The following TBC1D22A variants were observed in gnomAD, a reference collection of about 807,000 sequenced individuals.
TBC1D22A encodes putative GTPase activator.
A neutral mutation model predicts 60.2 loss-of-function variants in TBC1D22A; 38 were observed. The observed-to-expected ratio is 0.63, with a 90% CI of 0.49 to 0.83. The LOEUF (loss-of-function observed/expected upper bound fraction) is 0.83. Ranked by LOEUF, TBC1D22A falls within the 40% of genes least tolerant of loss-of-function variation. The pLI, the probability that TBC1D22A is intolerant of heterozygous loss-of-function variation, is 0.00. For synonymous variants in TBC1D22A, 302 were observed against 281.7 expected (o/e 1.07, Z -0.72); for missense variants, 628 against 701.0 (o/e 0.90, Z 1.18).
At chr22:46,948,024 A>G (rs528202960) in intron 8 of TBC1D22A, among the ~76,000 whole-genome samples, 55 of 152,358 alleles carry the variant, frequency 3.6e-4, no homozygotes, top group African/African-American at 1.3e-3. Context: ...GTACACTTGC[A>G]TAAATGAGGT....
At chr22:47,027,147 A>T (rs1295762370) in intron 10 of TBC1D22A, among the ~76,000 whole-genome samples, 2 of 152,194 alleles carry the variant, frequency 1.3e-5, no homozygotes, top group Non-Finnish European at 2.9e-5. Flanking sequence ...TACAAAAGAA[A>T]TTCAGTGGCA....
chr22:47,058,197 T>C (rs1009263760), intron 11 of TBC1D22A, among the ~76,000 whole-genome samples: 1 of 152,134 alleles, frequency 6.6e-6, no homozygotes, highest in Non-Finnish European at 1.5e-5. Context: ...CAGCTGGAGC[T>C]CCCTGCCCTT....
intron 8 of TBC1D22A, chr22:46,914,338 G>A (rs1166208914): frequency 6.6e-6 from 1 of 151,874 alleles, no homozygotes; most frequent in Non-Finnish European, 1.5e-5. Flanking sequence ...GGGAGGCTGA[G>A]GCAGGAGAAT....
chr22:46,769,093 C>CAAAAAAAAA (rs61105868), intron 1 of TBC1D22A, among the ~76,000 whole-genome samples: 1 of 72,654 alleles, frequency 1.4e-5, no homozygotes, highest in African/African-American at 5.7e-5. Flanking sequence ...GACTCTGTCT[C>CAAAAAAAAA]AAAAAAAAAA....
intron 12 of TBC1D22A, among the ~76,000 whole-genome samples, chr22:47,135,693 C>T (rs1188807441): frequency 6.6e-6 from 1 of 152,236 alleles, no homozygotes; most frequent in Non-Finnish European, 1.5e-5. Flanking sequence ...CTAAATCGCC[C>T]AGAGATCCTG....
intron 4 of TBC1D22A, among the ~76,000 whole-genome samples, chr22:46,838,101 TGAAG>T (rs2086598186): frequency 6.6e-6 from 1 of 151,952 alleles, no homozygotes; most frequent in African/African-American, 2.4e-5. Flanking sequence ...CTTCTACACT[TGAAG>T]GAACTAGAAA....
Position 46,762,673 on chromosome 22 carries a change from T to G in TBC1D22A, c.-114T>G. The G allele has an allele frequency of 2.2e-6, 2 of 889,356 alleles. No individual in the cohort carries two copies. Among genetic ancestry groups the G allele is most frequent in the Non-Finnish European group, 3.2e-6 (2 of 632,774 alleles). The allele number at this position is 889,356 out of a possible 1,614,324, so 55.1% of individuals were successfully genotyped here. A position where few individuals can be genotyped will look rare whatever the true frequency, so the allele number is the denominator to read the frequency against. On this transcript the variant is annotated 5_prime_UTR_variant, in exon 1 of 13. Coordinates refer to ENST00000337137, the MANE Select transcript of TBC1D22A (RefSeq NM_014346.5). ...GCGGAAGAGCTTCTCGGCTCTAGGCTCTGGAGTCCCGGGAGCAGTGAGGGG... is the reference window on the plus strand; with the variant it reads ...GCGGAAGAGCTTCTCGGCTCTAGGCGCTGGAGTCCCGGGAGCAGTGAGGGG...
chr22:46,840,468 C>G (rs1569114248), intron 4 of TBC1D22A, among the ~76,000 whole-genome samples: 1 of 152,212 alleles, frequency 6.6e-6, no homozygotes, highest in Non-Finnish European at 1.5e-5. Context: ...TGGGTGGTGG[C>G]TCACGCCTGT....
chr22:47,148,231 C>T (rs2067357317), intron 12 of TBC1D22A, among the ~76,000 whole-genome samples: 1 of 151,888 alleles, frequency 6.6e-6, no homozygotes, highest in African/African-American at 2.4e-5. Context: ...GTGCTCCTGC[C>T]ATAGTGACAA....
chr22:46,818,824 G>T (rs141825678), intron 4 of TBC1D22A, among the ~76,000 whole-genome samples: 1 of 152,286 alleles, frequency 6.6e-6, no homozygotes, highest in Non-Finnish European at 1.5e-5. Context: ...AGTACTTTGG[G>T]CAGTATGGCC....
intron 4 of TBC1D22A, among the ~76,000 whole-genome samples, chr22:46,807,365 G>C (rs2085194325): frequency 6.6e-6 from 1 of 152,128 alleles, no homozygotes; most frequent in South Asian, 2.1e-4. Context: ...TGTCGGTGTT[G>C]TGGACCCTGT....
chr22:46,775,450 C>G (rs1446350887), intron 1 of TBC1D22A, among the ~76,000 whole-genome samples: 1 of 152,158 alleles, frequency 6.6e-6, no homozygotes, highest in Non-Finnish European at 1.5e-5. Context: ...TTGGGAGTTG[C>G]TTTCTCGGGG....
chr22:46,762,862 G>C lies in TBC1D22A; in HGVS notation c.62+14G>C. 2.0e-6 allele frequency: 3 copies of C among 1,469,540 alleles called. No individual in the cohort carries two copies. The highest frequency in any genetic ancestry group is 2.7e-6 in the Non-Finnish European group (3 of 1,116,452). The allele number at this position is 1,469,540 out of a possible 1,614,324, so 91.0% of individuals were successfully genotyped here. On this transcript the variant is annotated intron_variant, in intron 1 of 12. Coordinates refer to ENST00000337137, the MANE Select transcript of TBC1D22A (RefSeq NM_014346.5). The stretch of plus-strand genomic sequence containing the variant: ...GCTCCCGGGCAGGTGGGTGTGCCGC[G>C]GAGGGCCAGGTCGGGGTCAGGGGTC...
At chr22:47,142,562 CTATCCACCTACCCATT>C (rs2067140651) in intron 12 of TBC1D22A, among the ~76,000 whole-genome samples, 2 of 123,910 alleles carry the variant, frequency 1.6e-5, no homozygotes, top group African/African-American at 6.6e-5. Flanking sequence ...ACCCACCCAT[CTATCCACCTACCCATT>C]CACCCACCCA....
chr22:47,114,882 G>A (rs7291262), intron 12 of TBC1D22A, among the ~76,000 whole-genome samples: 57,335 of 151,970 alleles, frequency 0.38, 11,048 homozygotes, highest in South Asian at 0.51. Context: ...CTTAATTCCC[G>A]AAAACTTGGG....
intron 4 of TBC1D22A, among the ~76,000 whole-genome samples, chr22:46,877,730 C>T (rs1274366564): frequency 6.6e-6 from 1 of 152,170 alleles, no homozygotes; most frequent in Non-Finnish European, 1.5e-5. Context: ...TCATTAGCTC[C>T]AAGCTGTTAG....
At chr22:46,853,655 G>A (rs1984406) in intron 4 of TBC1D22A, among the ~76,000 whole-genome samples, 42,796 of 152,162 alleles carry the variant, frequency 0.28, 6,104 homozygotes, top group African/African-American at 0.35. Context: ...CACCACATTT[G>A]CCTCATTGTA....
At chr22:47,149,268 C>T (rs916520990) in intron 12 of TBC1D22A, among the ~76,000 whole-genome samples, 3 of 152,198 alleles carry the variant, frequency 2.0e-5, no homozygotes, top group South Asian at 2.1e-4. Context: ...GGCCCGGCGG[C>T]GGCAGGAATC....
intron 4 of TBC1D22A, among the ~76,000 whole-genome samples, chr22:46,852,364 C>G (rs750096687): frequency 6.6e-6 from 1 of 152,232 alleles, no homozygotes; most frequent in Non-Finnish European, 1.5e-5. Flanking sequence ...CGTGTGCCCC[C>G]CTGTCTGTGG....
Sources: gnomAD v4.1 joint callset for allele counts (sites outside exome capture counted in the v4.1 genomes callset) on GRCh38, gnomAD v4.1.1 for gene constraint, MANE v1.5 for transcripts, NCBI Gene and HGNC (gene_info 2026-07-23, HGNC 2026-07-21) for gene names.